KPNA2: variants seen among roughly 807,000 people sequenced by gnomAD.
KPNA2 encodes importin subunit alpha-1.
Under a neutral mutation model 53.7 loss-of-function variants are expected in KPNA2, and 20 were observed. The ratio of observed to expected loss-of-function variants is 0.37; its 90% CI spans 0.26 to 0.54. KPNA2 has a LOEUF of 0.54. KPNA2 is among the 20% of genes least tolerant of loss of function. The pLI, the probability that KPNA2 is intolerant of heterozygous loss-of-function variation, is 0.83. For synonymous variants in KPNA2, 238 were observed against 227.5 expected (o/e 1.05, Z -0.42); for missense variants, 515 against 640.3 (o/e 0.80, Z 2.11).
At chr17:68,039,191 G>A (rs1555704177) in intron 3 of KPNA2, among the ~76,000 whole-genome samples, 2 of 151,810 alleles carry the variant, frequency 1.3e-5, no homozygotes, top group Non-Finnish European at 1.5e-5. Flanking sequence ...TACGATCTTG[G>A]CTGACTGCAG....
chr17:68,037,256 A>G (rs781957273), intron 2 of KPNA2, 49 bp downstream of exon 2: 1 of 1,586,742 alleles, frequency 6.3e-7, no homozygotes, highest in Non-Finnish European at 8.6e-7. Context: ...ATGGGAAGAC[A>G]TTTGGAAAGG....
Position 68,037,160 on chromosome 17 carries a change from C to T in KPNA2, c.28C>T (p.Pro10Ser), listed in dbSNP as rs1017155887. 1 of 1,613,596 alleles carries T rather than the reference C, an allele frequency of 6.2e-7. No individual in the cohort carries two copies. Among genetic ancestry groups the T allele is most frequent in the Non-Finnish European group, 8.5e-7 (1 of 1,179,766 alleles). ...GTCCACCAACGAGAATGCTAATACA[C>T]CAGCTGCCCGTCTTCACAGATTCAA... MSTNENANTPAARLHRFKNK... is the reference protein window; with the variant it reads MSTNENANTSAARLHRFKNK... The change falls in exon 2 of 11, where the codon CCA becomes TCA. Residue 10 changes from proline to serine, a missense_variant. Transcript: ENST00000330459.
chr17:68,037,526 G>A (rs782426359), intron 3 of KPNA2, 31 bp downstream of exon 3: 128 of 1,596,228 alleles, frequency 8.0e-5, no homozygotes, highest in Middle Eastern at 1.7e-4. Flanking sequence ...TATGAGTTAC[G>A]TGAAATCCAG....
chr17:68,042,812 C>G lies in KPNA2; in HGVS notation c.572-93C>G, dbSNP rs184557678. The G allele has an allele frequency of 2.2e-3, 2,075 of 948,854 alleles. 3 individuals carry two copies. The highest frequency in any genetic ancestry group is 3.0e-3 in the Non-Finnish European group (1,864 of 615,016). 58.8% of individuals were successfully genotyped at this position (948,854 alleles called of 1,614,324 possible). ...CCAGGAGGCGGAGCTTGCAGTGAGC[C>G]GAGATCGCGCCACTGCACTCCAGCC... On this transcript the variant is annotated intron_variant, in intron 5 of 10. Coordinates refer to ENST00000330459, the MANE Select transcript of KPNA2 (RefSeq NM_002266.4).
chr17:68,036,937 G>T, intron 1 of KPNA2, 173 bp from the exon 2 acceptor site: 1 of 545,660 alleles, frequency 1.8e-6, no homozygotes, highest in Non-Finnish European at 3.2e-6. Context: ...AGAGGGAAGG[G>T]GGACACTTCC....
Position 68,044,307 on chromosome 17 carries a change from C to G in KPNA2, c.1165-14C>G. 6.2e-7 allele frequency: 1 copy of G among 1,600,340 alleles called. No homozygotes were observed. Among genetic ancestry groups the G allele is most frequent in the East Asian group, 2.2e-5 (1 of 44,796 alleles). The stretch of plus-strand genomic sequence containing the variant: ...AACTGTTCTGAAATAAAACCATTTC[C>G]TTATGTTTAATAGGCAGATTTTAAG... On this transcript the variant is annotated splice_polypyrimidine_tract_variant and intron_variant, in intron 8 of 10. Coordinates refer to ENST00000330459, the MANE Select transcript of KPNA2 (RefSeq NM_002266.4).
At chr17:68,036,285 C>A (rs1244074953) in intron 1 of KPNA2, 4 of 152,272 alleles carry the variant, frequency 2.6e-5, no homozygotes, top group Admixed American at 2.0e-4. Flanking sequence ...GCAAAGATAG[C>A]AAATTGTAAG....
In KPNA2 at chr17:68,042,065, C is replaced by G. The variant is rs62084696; in HGVS notation, c.303-20C>G. The G allele has an allele frequency of 0.7, 1,111,736 of 1,582,708 alleles. 399,357 individuals carry two copies. The highest frequency in any genetic ancestry group is 0.74 in the Non-Finnish European group (859,545 of 1,157,000). ...TGTTAATCACTGTCAACTTTTATTT[C>G]TCTTTTTGTTCCCCTTTAGGAAACT... On this transcript the variant is annotated intron_variant, in intron 4 of 10. Transcript: ENST00000330459.
In KPNA2 at chr17:68,042,073, G is replaced by T. The variant is rs1555704625; in HGVS notation, c.303-12G>T. 2.5e-6 allele frequency: 4 copies of T among 1,594,680 alleles called. No individual in the cohort carries two copies. The highest frequency in any genetic ancestry group is 3.5e-5 in the Admixed American group (2 of 57,712). On this transcript the variant is annotated splice_polypyrimidine_tract_variant and intron_variant, in intron 4 of 10. Transcript: ENST00000330459. Reference sequence around the variant, plus strand: ...ACTGTCAACTTTTATTTCTCTTTTTGTTCCCCTTTAGGAAACTACTTTCCA... The same window carrying T: ...ACTGTCAACTTTTATTTCTCTTTTTTTTCCCCTTTAGGAAACTACTTTCCA...
At position 68,036,425 on chromosome 17, in the gene KPNA2, C is replaced by T. The variant is rs556447058; in HGVS notation, c.-24+585C>T. On this transcript the variant is annotated intron_variant, in intron 1 of 10. Transcript: ENST00000330459. ...TGCGGCACTGCATTTTTAATGTTGACCATAATGTAATGATGAAGCAAATTT... is the reference window on the plus strand; with the variant it reads ...TGCGGCACTGCATTTTTAATGTTGATCATAATGTAATGATGAAGCAAATTT... 3 of 152,366 alleles carry T rather than the reference C, an allele frequency of 2.0e-5. No individual in the cohort carries two copies. The East Asian group carries it at 5.8e-4, about 29-fold the overall frequency. The allele number at this position is 152,366 out of a possible 1,614,324, so 9.4% of individuals were successfully genotyped here. A position where few individuals can be genotyped will look rare whatever the true frequency, so the allele number is the denominator to read the frequency against.
chr17:68,042,292 G>A lies in KPNA2; in HGVS notation c.510G>A (p.Leu170=), dbSNP rs2071269692. ...GTGCCATCCCAGCATTCATTTCTCT[G>A]TTGGCATCTCCCCATGCTCACATCA... ...DGGAIPAFIS[L]LASPHAHISE... is the part of the protein sequence containing the mutation. Residue 170 remains leucine, a synonymous_variant, in exon 5 of 11, where the codon CTG becomes CTA. Transcript: ENST00000330459. 6.2e-7 allele frequency: 1 copy of A among 1,614,218 alleles called. No homozygotes were observed. Among genetic ancestry groups the A allele is most frequent in the Non-Finnish European group, 8.5e-7 (1 of 1,180,042 alleles).
chr17:68,039,678 G>A (rs1212627821), intron 3 of KPNA2, among the ~76,000 whole-genome samples: 3 of 151,502 alleles, frequency 2.0e-5, no homozygotes, highest in African/African-American at 7.3e-5. Context: ...TACTCAGGAG[G>A]CTGTGGCAGG....
rs781961280 is a variant in KPNA2, at chr17:68,042,918, G to C, written c.585G>C (p.Val195=). 1 of 1,608,786 alleles carries C rather than the reference G, an allele frequency of 6.2e-7. No individual in the cohort carries two copies. Among genetic ancestry groups the C allele is most frequent in the South Asian group, 1.1e-5 (1 of 90,874 alleles). Residue 195 remains valine (V), a synonymous_variant, in exon 6 of 11, where the codon GTG becomes GTC. Coordinates refer to ENST00000330459, the MANE Select transcript of KPNA2 (RefSeq NM_002266.4). ...ALGNIAGDGS[V]FRDLVIKYGA... ...CTTTTTTTTCAGGTGATGGCTCAGT[G>C]TTCCGAGACTTGGTTATTAAGTACG...
rs1332088005 is a variant in KPNA2 at position 68,042,152 on chromosome 17, T to C, written c.370T>C (p.Phe124Leu). ...AATCCGGGCTGGTTTGATTCCGAAA[T>C]TTGTGTCCTTCTTGGGCAGAACTGA... ...NIIRAGLIPK[F>L]VSFLGRTDCS... Residue 124 changes from phenylalanine (F) to leucine (L), a missense_variant, in exon 5 of 11, where the codon TTT becomes CTT. By Grantham distance (22) the Phe-to-Leu change is conservative. Coordinates refer to ENST00000330459, the MANE Select transcript of KPNA2 (RefSeq NM_002266.4). 1 of 1,614,020 alleles carries C rather than the reference T, an allele frequency of 6.2e-7. No individual in the cohort carries two copies. The highest frequency in any genetic ancestry group is 8.5e-7 in the Non-Finnish European group (1 of 1,179,872).
intron 3 of KPNA2, among the ~76,000 whole-genome samples, chr17:68,039,748 C>A (rs948586372): frequency 1.3e-5 from 2 of 150,736 alleles, no homozygotes; most frequent in Non-Finnish European, 3.0e-5. Context: ...CCATTGCACT[C>A]CAGCCTGGGC....
At chr17:68,040,456 C>T (rs1555704377) in intron 3 of KPNA2, among the ~76,000 whole-genome samples, 1 of 152,040 alleles carries the variant, frequency 6.6e-6, no homozygotes, top group African/African-American at 2.4e-5. Flanking sequence ...CACTTGGATA[C>T]TCCATAACTT....
In KPNA2 at chr17:68,042,185, C is replaced by T. The variant is rs782271490; in HGVS notation, c.403C>T (p.Pro135Ser). ...VSFLGRTDCS[P>S]IQFESAWALT... ...CTTCTTGGGCAGAACTGATTGTAGT[C>T]CCATTCAGTTTGAATCTGCTTGGGC... is the stretch of plus-strand genomic sequence containing the variant. The change falls in exon 5 of 11, where the codon CCC (proline) becomes TCC (serine). Residue 135 changes from proline to serine, a missense_variant. Coordinates refer to ENST00000330459, the MANE Select transcript of KPNA2 (RefSeq NM_002266.4). 7 of 1,613,870 alleles carry T rather than the reference C, an allele frequency of 4.3e-6. No homozygotes were observed. In the South Asian group the frequency reaches 7.7e-5, roughly 18 times the overall value.
At chr17:68,046,369 C>T (rs535037421) in intron 10 of KPNA2, 135 bp from the exon 11 acceptor site, 200 of 562,090 alleles carry the variant, frequency 3.6e-4, no homozygotes, top group Middle Eastern at 9.6e-4. Flanking sequence ...TCCTCTATGT[C>T]AAATACTATA....
chr17:68,038,385 C>T (rs868958147), intron 3 of KPNA2, among the ~76,000 whole-genome samples: 8 of 152,178 alleles, frequency 5.3e-5, no homozygotes, highest in Non-Finnish European at 8.8e-5. Flanking sequence ...GGATTACAAG[C>T]GTGAGCCACC....
Sources: gnomAD v4.1 joint callset for allele counts (sites outside exome capture counted in the v4.1 genomes callset) on GRCh38, gnomAD v4.1.1 for gene constraint, MANE v1.5 for transcripts, NCBI Gene and HGNC (gene_info 2026-07-23, HGNC 2026-07-21) for gene names.